DNAJC22: variants seen among roughly 807,000 people sequenced by gnomAD.
The protein encoded by DNAJC22 is DnaJ heat shock protein family (Hsp40) member C22.
In DNAJC22, 24 loss-of-function variants were observed where a neutral mutation model predicts 22.2. The observed-to-expected ratio is 1.08, with a 90% CI of 0.78 to 1.52. The LOEUF is 1.52. DNAJC22 is among the 40% of genes most tolerant of loss of function. The pLI, the probability that DNAJC22 is intolerant of heterozygous loss-of-function variation, is 0.00. For missense variants in DNAJC22, 434 were observed against 421.7 expected (o/e 1.03, Z -0.26); for synonymous variants, 160 against 167.4 (o/e 0.96, Z 0.34).
In DNAJC22 at chr12:49,348,975, A is replaced by G; in HGVS notation, c.103A>G (p.Met35Val). ...LGRDSHALLWMLTLGGGGLGW... is the reference protein window; with the variant it reads ...LGRDSHALLWVLTLGGGGLGW... ...AAGGGACAGCCACGCCCTGCTCTGG[A>G]TGCTGACCCTGGGGGGAGGTGGGCT... The change falls in exon 3 of 4, where the codon ATG (methionine) becomes GTG (valine). Residue 35 changes from methionine (M) to valine (V), a missense_variant. Coordinates refer to ENST00000549441, the MANE Select transcript of DNAJC22 (RefSeq NM_001304944.2). 1 of 1,551,346 alleles carries G rather than the reference A, an allele frequency of 6.4e-7. No homozygotes were observed. Among genetic ancestry groups the G allele is most frequent in the Non-Finnish European group, 8.7e-7 (1 of 1,151,840 alleles).
intron 3 of DNAJC22, among the ~76,000 whole-genome samples, chr12:49,350,069 A>G (rs1592322784): frequency 6.8e-6 from 1 of 147,828 alleles, no homozygotes; most frequent in South Asian, 2.1e-4. Flanking sequence ...AGTTTTGCTC[A>G]TTCTTCTTCT....
At chr12:49,351,184 C>T in intron 3 of DNAJC22, 133 bp from the exon 4 acceptor site, 1 of 1,501,450 alleles carries the variant, frequency 6.7e-7, no homozygotes, top group African/African-American at 1.4e-5. Context: ...ACCTGAGCTG[C>T]TGGACCTTTC....
chr12:49,348,449 G>T (rs1446707945), intron 2 of DNAJC22, among the ~76,000 whole-genome samples: 1 of 152,178 alleles, frequency 6.6e-6, no homozygotes, highest in Non-Finnish European at 1.5e-5. Context: ...TTAAGTCAGG[G>T]GTAAGGCAGA....
Position 49,349,240 on chromosome 12 carries a change from C to A in DNAJC22, c.368C>A (p.Ala123Asp), listed in dbSNP as rs752911412. 3 of 1,614,184 alleles carry A rather than the reference C, an allele frequency of 1.9e-6. No homozygotes were observed. In the African/African-American group the frequency reaches 4.0e-5, roughly 22 times the overall value. Residue 123 changes from alanine to aspartate, a missense_variant, in exon 3 of 4, where the codon GCT (alanine) becomes GAT (aspartate). Coordinates refer to ENST00000549441, the MANE Select transcript of DNAJC22 (RefSeq NM_001304944.2). ...AVGLGVLLVAAVGNQTSDFKN... is the reference protein window; with the variant it reads ...AVGLGVLLVADVGNQTSDFKN... ...GGCTTAGGGGTCTTGCTGGTGGCTG[C>A]TGTTGGCAACCAGACCTCAGACTTT...
chr12:49,348,853 T>G lies in DNAJC22; in HGVS notation c.-20T>G. On this transcript the variant is annotated 5_prime_UTR_variant, in exon 3 of 4. Transcript: ENST00000549441. ...GTGCTGCGAGTAACCGGACTTGTTC[T>G]GAGACCTTTGCCCTAGAGGATGGCC... 1 of 1,478,568 alleles carries G rather than the reference T, an allele frequency of 6.8e-7. No homozygotes were observed. Among genetic ancestry groups the G allele is most frequent in the Non-Finnish European group, 9.0e-7 (1 of 1,115,332 alleles). The allele number at this position is 1,478,568 out of a possible 1,614,324, so 91.6% of individuals were successfully genotyped here. A position where few individuals can be genotyped will look rare whatever the true frequency, so the allele number is the denominator to read the frequency against.
chr12:49,348,316 T>G (rs1943726377), intron 2 of DNAJC22, among the ~76,000 whole-genome samples: 1 of 152,196 alleles, frequency 6.6e-6, no homozygotes, highest in Non-Finnish European at 1.5e-5. Context: ...AATATTTTAA[T>G]AAAGGGAATT....
Position 49,348,806 on chromosome 12 carries a change from C to T in DNAJC22, c.-67C>T, listed in dbSNP as rs1943732575. 1 of 1,445,478 alleles carries T rather than the reference C, an allele frequency of 6.9e-7. No individual in the cohort carries two copies. The highest frequency in any genetic ancestry group is 2.6e-5 in the Admixed American group (1 of 38,800). 89.5% of individuals were successfully genotyped at this position (1,445,478 alleles called of 1,614,324 possible). On this transcript the variant is annotated 5_prime_UTR_variant, in exon 3 of 4. Transcript: ENST00000549441. The stretch of plus-strand genomic sequence containing the variant: ...CTGGGGCCATGACAGCCATGAGTCT[C>T]ACAGAGGACCCCGAGACTTCTGTGC...
Position 49,349,585 on chromosome 12 carries a change from T to TGGA in DNAJC22, c.714_715insGAG (p.Leu238_Pro239insGlu). 6.2e-7 allele frequency: 1 copy of TGGA among 1,614,248 alleles called. No individual in the cohort carries two copies. Among genetic ancestry groups the TGGA allele is most frequent in the Non-Finnish European group, 8.5e-7 (1 of 1,180,040 alleles). ...CGCCTCATGGAGTTTGTCCTCCTTC[T>TGGA]GCCTTACCGGATCTGGAGGCTACTG... is the stretch of plus-strand genomic sequence containing the variant. On this transcript the variant is annotated inframe_insertion, in exon 3 of 4. Coordinates refer to ENST00000549441, the MANE Select transcript of DNAJC22 (RefSeq NM_001304944.2).
chr12:49,349,467 A>T lies in DNAJC22; in HGVS notation c.595A>T (p.Ser199Cys), dbSNP rs767033192. The T allele has an allele frequency of 6.2e-7, 1 of 1,614,224 alleles. No homozygotes were observed. Among genetic ancestry groups the T allele is most frequent in the Non-Finnish European group, 8.5e-7 (1 of 1,180,034 alleles). Reference sequence around the variant, plus strand: ...TGCTTTCACAGGCCCACTGGCATACAGTGCCCTCTGCAACACAGCTGCCAC... The same window carrying T: ...TGCTTTCACAGGCCCACTGGCATACTGTGCCCTCTGCAACACAGCTGCCAC... ...YLAFTGPLAY[S>C]ALCNTAATLS... The change falls in exon 3 of 4, where the codon AGT (serine) becomes TGT (cysteine). Residue 199 changes from serine to cysteine, a missense_variant. Physicochemically the swap from Ser to Cys is moderately radical, Grantham distance 112 (BLOSUM62 -1). Transcript: ENST00000549441.
rs763895655 is a variant in DNAJC22 at position 49,349,479 on chromosome 12, A to T, written c.607A>T (p.Asn203Tyr). The T allele has an allele frequency of 6.8e-6, 11 of 1,614,222 alleles. No individual in the cohort carries two copies. The South Asian group carries it at 1.2e-4, about 18-fold the overall frequency. ...TGPLAYSALC[N>Y]TAATLSYVAE... ...CCCACTGGCATACAGTGCCCTCTGC[A>T]ACACAGCTGCCACCCTCAGCTATGT... Residue 203 changes from asparagine (N) to tyrosine (Y), a missense_variant, in exon 3 of 4, where the codon AAC (asparagine) becomes TAC (tyrosine). Asn to Tyr is a moderately radical substitution (Grantham distance 143, BLOSUM62 -2). Coordinates refer to ENST00000549441, the MANE Select transcript of DNAJC22 (RefSeq NM_001304944.2).
At chr12:49,348,732 T>C (rs1943731749) in intron 2 of DNAJC22, 34 bp from the exon 3 acceptor site, 1 of 1,202,770 alleles carries the variant, frequency 8.3e-7, no homozygotes, top group Non-Finnish European at 1.1e-6. Context: ...AGCCTGGACA[T>C]CATCTTATGA....
In DNAJC22 at chr12:49,350,475, A is replaced by C. The variant is rs553241073; in HGVS notation, c.840+763A>C. 4.8e-5 allele frequency among the ~76,000 whole-genome samples: 7 copies of C among 145,526 alleles called. No individual in the cohort carries two copies. In the South Asian group the frequency reaches 1.4e-3, roughly 28 times the overall value. On this transcript the variant is annotated intron_variant, in intron 3 of 3. Transcript: ENST00000549441. ...TCTTTCATTCAACATCATGTTTATG[A>C]GATGTATTCCTCTTGATTCTTTTTT... is the stretch of plus-strand genomic sequence containing the variant.
At chr12:49,348,164 G>A (rs1239521587) in intron 2 of DNAJC22, 59 bp downstream of exon 2, 1 of 152,214 alleles carries the variant, frequency 6.6e-6, no homozygotes, top group Non-Finnish European at 1.5e-5. Context: ...CAGATAGAGG[G>A]GACACTGGCA....
In DNAJC22 at chr12:49,353,553, G is replaced by C. The variant is rs562293534; in HGVS notation, c.*2051G>C. On this transcript the variant is annotated 3_prime_UTR_variant, in exon 4 of 4. Coordinates refer to ENST00000549441, the MANE Select transcript of DNAJC22 (RefSeq NM_001304944.2). ...AGTCCCAGCTAAGGAGGCTGAGATTGGGAGGATCACTTGAACCCAAAAGGT... is the reference window on the plus strand; with the variant it reads ...AGTCCCAGCTAAGGAGGCTGAGATTCGGAGGATCACTTGAACCCAAAAGGT... The C allele has an allele frequency of 6.6e-6, 1 of 152,126 alleles. No individual in the cohort carries two copies. The highest frequency in any genetic ancestry group is 2.4e-5 in the African/African-American group (1 of 41,398). 9.4% of individuals were successfully genotyped at this position (152,126 alleles called of 1,614,324 possible).
chr12:49,351,267 T>C lies in DNAJC22; in HGVS notation c.841-50T>C, dbSNP rs749734552. 2.2e-5 allele frequency: 35 copies of C among 1,611,424 alleles called. 1 individual carries two copies. In the South Asian group the frequency reaches 3.7e-4, roughly 17 times the overall value. On this transcript the variant is annotated intron_variant, in intron 3 of 3. Transcript: ENST00000549441. ...GCAAAGGTGCAAGGAGAGGCCCAGGTACCCTGACAACTTGGGGGATTCTAA... is the reference window on the plus strand; with the variant it reads ...GCAAAGGTGCAAGGAGAGGCCCAGGCACCCTGACAACTTGGGGGATTCTAA...
At position 49,351,482 on chromosome 12, in the gene DNAJC22, C is replaced by G; in HGVS notation, c.1006C>G (p.Pro336Ala). 6.4e-7 allele frequency: 1 copy of G among 1,551,538 alleles called. No homozygotes were observed. Among genetic ancestry groups the G allele is most frequent in the South Asian group, 1.2e-5 (1 of 82,010 alleles). Residue 336 changes from proline (P) to alanine (A), a missense_variant, in exon 4 of 4, where the codon CCC becomes GCC. Transcript: ENST00000549441. ...TGAAGTCCTGAGTCAACCCAGGAAGCCCTGGGGATCCCGGAGGTGAAAAGA... is the reference window on the plus strand; with the variant it reads ...TGAAGTCCTGAGTCAACCCAGGAAGGCCTGGGGATCCCGGAGGTGAAAAGA... ...AYEVLSQPRK[P>A]WGSRR
At position 49,348,961 on chromosome 12, in the gene DNAJC22, A is replaced by G. The variant is rs1440710542; in HGVS notation, c.89A>G (p.His30Arg). ...LHHLYLGRDS[H>R]ALLWMLTLGG... ...CACCTGTACCTGGGAAGGGACAGCC[A>G]CGCCCTGCTCTGGATGCTGACCCTG... Residue 30 changes from histidine (H) to arginine (R), a missense_variant, in exon 3 of 4, where the codon CAC becomes CGC. Transcript: ENST00000549441. 4 of 1,537,572 alleles carry G rather than the reference A, an allele frequency of 2.6e-6. No homozygotes were observed. In the African/African-American group the frequency reaches 5.5e-5, roughly 21 times the overall value.
rs745415738 is a variant in DNAJC22 at position 49,349,274 on chromosome 12, T to G, written c.402T>G (p.Thr134=). 3 of 1,614,056 alleles carry G rather than the reference T, an allele frequency of 1.9e-6. No homozygotes were observed. The highest frequency in any genetic ancestry group is 2.5e-6 in the Non-Finnish European group (3 of 1,180,034). ...VGNQTSDFKN[T]LGSAFLTSPI... The stretch of plus-strand genomic sequence containing the variant: ...ACCAGACCTCAGACTTTAAGAACAC[T>G]CTGGGGTCAGCATTTCTCACTTCAC... The change falls in exon 3 of 4, where the codon ACT becomes ACG. Residue 134 remains threonine (T), a synonymous_variant. Coordinates refer to ENST00000549441, the MANE Select transcript of DNAJC22 (RefSeq NM_001304944.2).
Position 49,349,246 on chromosome 12 carries a change from G to A in DNAJC22, c.374G>A (p.Gly125Asp), listed in dbSNP as rs758853944. Residue 125 changes from glycine to aspartate, a missense_variant, in exon 3 of 4, where the codon GGC (glycine) becomes GAC (aspartate). By Grantham distance (94) the Gly-to-Asp change is moderately conservative. Transcript: ENST00000549441. ...GLGVLLVAAV[G>D]NQTSDFKNTL... ...GGGGTCTTGCTGGTGGCTGCTGTTGGCAACCAGACCTCAGACTTTAAGAAC... is the reference window on the plus strand; with the variant it reads ...GGGGTCTTGCTGGTGGCTGCTGTTGACAACCAGACCTCAGACTTTAAGAAC... 12 of 1,614,138 alleles carry A rather than the reference G, an allele frequency of 7.4e-6. No homozygotes were observed. Among genetic ancestry groups the A allele is most frequent in the Non-Finnish European group, 9.3e-6 (11 of 1,180,038 alleles).
Sources: gnomAD v4.1 joint callset for allele counts (sites outside exome capture counted in the v4.1 genomes callset) on GRCh38, gnomAD v4.1.1 for gene constraint, MANE v1.5 for transcripts, NCBI Gene and HGNC (gene_info 2026-07-23, HGNC 2026-07-21) for gene names.